EDIL3: variants seen among roughly 807,000 people sequenced by gnomAD.
The protein encoded by EDIL3 is EGF like and discoidin domains 3.
EDIL3 carries 37 observed loss-of-function variants against 67.4 expected under a neutral mutation model. The ratio of observed to expected loss-of-function variants is 0.55; its 90% CI spans 0.42 to 0.72. The LOEUF (loss-of-function observed/expected upper bound fraction) is 0.72. Among genes scored for constraint, EDIL3 ranks in the 30% least tolerant of loss-of-function variants. The probability of loss-of-function intolerance (pLI) is 0.00; values close to 1 mark genes in which losing one functional copy is unlikely to be tolerated. For synonymous variants in EDIL3, 195 were observed against 196.3 expected (o/e 0.99, Z 0.05); for missense variants, 527 against 586.3 (o/e 0.90, Z 1.04).
Position 84,327,055 on chromosome 5 carries a change from A to G in EDIL3, c.67+57253T>C, listed in dbSNP as rs147660234. On this transcript the variant is annotated intron_variant, in intron 1 of 10. Transcript: ENST00000296591. ...GCTTTCATATATGTATACATTGTGA[A>G]ACGATTACTACAATCAAGATAATTA... 1.6e-3 allele frequency among the ~76,000 whole-genome samples: 239 copies of G among 152,116 alleles called. 5 individuals are homozygous for G. In the East Asian group the frequency reaches 0.043, roughly 27 times the overall value.
intron 1 of EDIL3, among the ~76,000 whole-genome samples, chr5:84,346,042 A>C (rs1160997994): frequency 6.6e-6 from 1 of 150,946 alleles, no homozygotes; most frequent in Non-Finnish European, 1.5e-5. Flanking sequence ...GCTTATATAA[A>C]TTTCGTTTAT....
At chr5:84,001,313 C>T (rs953872040) in intron 9 of EDIL3, among the ~76,000 whole-genome samples, 11 of 152,044 alleles carry the variant, frequency 7.2e-5, no homozygotes, top group Non-Finnish European at 2.9e-5. Flanking sequence ...ACTCACAAAA[C>T]GCTGGGACTC....
intron 3 of EDIL3, among the ~76,000 whole-genome samples, chr5:84,206,247 T>C (rs1743977546): frequency 6.6e-6 from 1 of 152,148 alleles, no homozygotes; most frequent in South Asian, 2.1e-4. Flanking sequence ...TAATCCTGAG[T>C]TCTAGTTTGA....
intron 2 of EDIL3, among the ~76,000 whole-genome samples, 168 bp from the exon 3 acceptor site, chr5:84,230,052 AG>A (rs767257492): frequency 3.4e-4 from 51 of 152,222 alleles, no homozygotes; most frequent in Non-Finnish European, 5.3e-4. Flanking sequence ...TGTATACATT[AG>A]AAAATTGTCA....
chr5:84,090,675 T>C (rs917115551), intron 6 of EDIL3, among the ~76,000 whole-genome samples: 2 of 152,072 alleles, frequency 1.3e-5, no homozygotes, highest in African/African-American at 4.8e-5. Flanking sequence ...TGGCCAGGCA[T>C]GGTGGCTCAT....
chr5:84,177,881 G>A (rs1748948944), intron 4 of EDIL3, among the ~76,000 whole-genome samples: 2 of 152,204 alleles, frequency 1.3e-5, no homozygotes, highest in Admixed American at 1.3e-4. Context: ...TGTCACTCCT[G>A]TATCATGAAA....
chr5:84,347,835 T>C (rs965793257), intron 1 of EDIL3, among the ~76,000 whole-genome samples: 2 of 152,206 alleles, frequency 1.3e-5, no homozygotes, highest in African/African-American at 4.8e-5. Context: ...TTATTTTTTA[T>C]GAGACACATT....
intron 9 of EDIL3, among the ~76,000 whole-genome samples, chr5:83,991,667 CA>C (rs1745153947): frequency 6.6e-6 from 1 of 152,098 alleles, no homozygotes; most frequent in African/African-American, 2.4e-5. Flanking sequence ...ATTGGGGAGC[CA>C]GGGGAAACAT....
intron 1 of EDIL3, among the ~76,000 whole-genome samples, chr5:84,289,086 T>G (rs1745865852): frequency 6.6e-6 from 1 of 152,176 alleles, no homozygotes; most frequent in Non-Finnish European, 1.5e-5. Flanking sequence ...GTTTTTGTTA[T>G]TTCTAGGTGA....
intron 1 of EDIL3, among the ~76,000 whole-genome samples, chr5:84,317,783 A>G (rs1044076039): frequency 1.5e-4 from 23 of 152,188 alleles, no homozygotes; most frequent in Non-Finnish European, 2.9e-4. Flanking sequence ...CACCACTCCT[A>G]TTCAACATAG....
intron 4 of EDIL3, among the ~76,000 whole-genome samples, chr5:84,155,456 T>C (rs993329847): frequency 6.6e-6 from 1 of 152,196 alleles, no homozygotes; most frequent in Non-Finnish European, 1.5e-5. Flanking sequence ...ATTCATTGTG[T>C]TGGTATGCAT....
At chr5:84,065,082 T>TG (rs554880807) in intron 7 of EDIL3, among the ~76,000 whole-genome samples, 171 of 152,272 alleles carry the variant, frequency 1.1e-3, no homozygotes, top group African/African-American at 3.8e-3. Flanking sequence ...TCCACTGTGA[T>TG]GGTCTTGTCA....
chr5:84,188,474 A>C (rs1041931492), intron 3 of EDIL3, among the ~76,000 whole-genome samples: 8 of 151,934 alleles, frequency 5.3e-5, no homozygotes, highest in Non-Finnish European at 8.8e-5. Context: ...CTCTGCTTAT[A>C]AGAACTCACC....
intron 2 of EDIL3, among the ~76,000 whole-genome samples, chr5:84,248,506 A>G (rs577777754): frequency 2.0e-5 from 3 of 152,104 alleles, no homozygotes; most frequent in Non-Finnish European, 4.4e-5. Flanking sequence ...TAGCTCTTCT[A>G]TTCTTTGCTA....
At chr5:84,131,256 G>T (rs1331658274) in intron 5 of EDIL3, among the ~76,000 whole-genome samples, 1 of 152,088 alleles carries the variant, frequency 6.6e-6, no homozygotes, top group East Asian at 1.9e-4. Flanking sequence ...TCCATCAAAA[G>T]ATAGTATCAA....
intron 3 of EDIL3, among the ~76,000 whole-genome samples, chr5:84,224,332 T>A (rs1056384215): frequency 2.0e-5 from 3 of 151,478 alleles, no homozygotes; most frequent in African/African-American, 7.2e-5. Flanking sequence ...TAAGACCAAA[T>A]AAACTAAAAG....
intron 1 of EDIL3, among the ~76,000 whole-genome samples, chr5:84,314,921 T>TA (rs1746479104): frequency 1.3e-5 from 2 of 152,104 alleles, no homozygotes; most frequent in South Asian, 4.1e-4. Flanking sequence ...ATTTTTTGAA[T>TA]TTTATTATTT....
chr5:83,944,168 C>A (rs984545451), intron 10 of EDIL3, among the ~76,000 whole-genome samples: 2 of 151,718 alleles, frequency 1.3e-5, no homozygotes, highest in Non-Finnish European at 2.9e-5. Context: ...GCACTAACGG[C>A]CTCTATCACA....
intron 9 of EDIL3, among the ~76,000 whole-genome samples, chr5:83,967,039 C>T (rs189446081): frequency 4.9e-4 from 74 of 152,136 alleles, no homozygotes; most frequent in East Asian, 5.8e-4. Flanking sequence ...AACAATGTAA[C>T]GTTCTGGGTA....
Sources: allele counts gnomAD v4.1 joint callset (sites outside exome capture counted in the v4.1 genomes callset), GRCh38; gene constraint gnomAD v4.1.1; transcripts MANE v1.5; gene names NCBI Gene and HGNC (gene_info 2026-07-23, HGNC 2026-07-21).